Variants in CSNK1G2 observed in about 807,000 individuals in gnomAD.
The protein encoded by CSNK1G2 is casein kinase 1 gamma 2.
CSNK1G2 carries 11 observed loss-of-function variants against 48.0 expected under a neutral mutation model. The ratio of observed to expected loss-of-function variants is 0.23; its 90% CI spans 0.14 to 0.38. CSNK1G2 has a LOEUF of 0.38. CSNK1G2 is among the 10% of genes least tolerant of loss of function. CSNK1G2 has a pLI of 1.00. For synonymous variants in CSNK1G2, 337 were observed against 254.1 expected (o/e 1.33, Z -3.10); for missense variants, 446 against 595.5 (o/e 0.75, Z 2.61).
At position 1,980,449 on chromosome 19, in the gene CSNK1G2, A is replaced by T. The variant is rs572755665; in HGVS notation, c.*246A>T. 1.8e-6 allele frequency: 1 copy of T among 567,340 alleles called. No individual in the cohort carries two copies. Among genetic ancestry groups the T allele is most frequent in the East Asian group, 3.1e-5 (1 of 32,690 alleles). 35.1% of individuals were successfully genotyped at this position (567,340 alleles called of 1,614,324 possible). A position where few individuals can be genotyped will look rare whatever the true frequency, so the allele number is the denominator to read the frequency against. On this transcript the variant is annotated 3_prime_UTR_variant, in exon 12 of 12. Coordinates refer to ENST00000255641, the MANE Select transcript of CSNK1G2 (RefSeq NM_001319.7). ...TCTAGTCCTCCCCTCCAAGAGCATT[A>T]ACTATTTAAAACAAGGAAAAGAGGA...
intron 1 of CSNK1G2, among the ~76,000 whole-genome samples, chr19:1,950,182 C>T (rs191165077): frequency 1.5e-4 from 23 of 152,210 alleles, no homozygotes; most frequent in African/African-American, 5.1e-4. Flanking sequence ...CTCTGTCCCC[C>T]AGGCTGGAGT....
In CSNK1G2 at chr19:1,980,924, C is replaced by G. The variant is rs1008887965; in HGVS notation, c.*721C>G. ...GCGGGTGCTTCTCGACGCACTTGCT[C>G]CCGGAGGCTGCGCCCCGGCGCCTGG... is the stretch of plus-strand genomic sequence containing the variant. On this transcript the variant is annotated 3_prime_UTR_variant, in exon 12 of 12. Coordinates refer to ENST00000255641, the MANE Select transcript of CSNK1G2 (RefSeq NM_001319.7). 6 of 152,348 alleles carry G rather than the reference C, an allele frequency of 3.9e-5. No individual in the cohort carries two copies. The highest frequency in any genetic ancestry group is 1.4e-4 in the African/African-American group (6 of 41,464). The allele number at this position is 152,348 out of a possible 1,614,324, so 9.4% of individuals were successfully genotyped here.
Position 1,970,540 on chromosome 19 carries a change from C to G in CSNK1G2, c.187+581C>G, listed in dbSNP as rs139402704. ...CAGGCGTGAGGAGCAGGGCCGAGGA[C>G]TGAGCCTCTCATTGGCCAGGGGTGC... On this transcript the variant is annotated intron_variant, in intron 2 of 11. Coordinates refer to ENST00000255641, the MANE Select transcript of CSNK1G2 (RefSeq NM_001319.7). Among the ~76,000 whole-genome samples the G allele has an allele frequency of 1.7e-3, 253 of 152,338 alleles. 1 individual carries two copies. The highest frequency in any genetic ancestry group is 5.8e-3 in the African/African-American group (240 of 41,570).
chr19:1,958,374 A>G (rs2015070200), intron 1 of CSNK1G2, among the ~76,000 whole-genome samples: 2 of 151,706 alleles, frequency 1.3e-5, no homozygotes, highest in Non-Finnish European at 2.9e-5. Flanking sequence ...GGGTTGGTGC[A>G]CCAGGGCAGG....
Position 1,978,515 on chromosome 19 carries a change from C to G in CSNK1G2, c.298+4C>G. The G allele has an allele frequency of 6.3e-7, 1 of 1,577,400 alleles. No homozygotes were observed. The highest frequency in any genetic ancestry group is 1.1e-5 in the South Asian group (1 of 87,260). ...TACAAGCAGCTCAGCGCCACAGGTA[C>G]CGGGCGGCCCGCGGGTGGGGCGGGG... On this transcript the variant is annotated splice_donor_region_variant and intron_variant, in intron 4 of 11. Transcript: ENST00000255641. The surrounding 1 kb of genome is among the most constrained non-coding windows in gnomAD (Gnocchi z 7.3).
rs746657543 is a variant in CSNK1G2 at position 1,979,605 on chromosome 19, G to A, written c.964G>A (p.Val322Met). The change falls in exon 9 of 12, where the codon GTG becomes ATG. Residue 322 changes from valine to methionine, a missense_variant. Val to Met is a conservative substitution (Grantham distance 21). Transcript: ENST00000255641. Reference protein sequence around the residue: ...FTDLFDRSGFVFDYEYDWAGK... With the variant: ...FTDLFDRSGFMFDYEYDWAGK... ...CGACCTCTTCGACCGCAGTGGCTTCGTGTTCGACTATGAGTACGACTGGGC... is the reference window on the plus strand; with the variant it reads ...CGACCTCTTCGACCGCAGTGGCTTCATGTTCGACTATGAGTACGACTGGGC... 5 of 1,606,398 alleles carry A rather than the reference G, an allele frequency of 3.1e-6. No individual in the cohort carries two copies. Among genetic ancestry groups the A allele is most frequent in the Non-Finnish European group, 4.2e-6 (5 of 1,179,910 alleles).
Position 1,979,739 on chromosome 19 carries a change from C to T in CSNK1G2, c.1003-13C>T, listed in dbSNP as rs1000628849. ...GCTGCAGCCCATCCTGACCCCTGCT[C>T]CCTCACCCACAGCCGACCCCCATCG... On this transcript the variant is annotated splice_polypyrimidine_tract_variant and intron_variant, in intron 9 of 11. Transcript: ENST00000255641. The T allele has an allele frequency of 1.2e-6, 2 of 1,604,964 alleles. No homozygotes were observed. Among genetic ancestry groups the T allele is most frequent in the African/African-American group, 2.7e-5 (2 of 74,836 alleles).
chr19:1,964,732 T>C (rs1000188421), intron 1 of CSNK1G2, among the ~76,000 whole-genome samples: 2 of 116,790 alleles, frequency 1.7e-5, no homozygotes, highest in South Asian at 3.2e-4. Context: ...TTTGTTTTTT[T>C]GTTTTTTTTT....
intron 1 of CSNK1G2, chr19:1,953,008 C>T (rs1026609332): frequency 2.4e-6 from 1 of 414,698 alleles, no homozygotes; most frequent in South Asian, 1.8e-5. Context: ...GAGCGAGACT[C>T]CGTCTGAAAA....
rs2015030849 is a variant in CSNK1G2 at position 1,957,284 on chromosome 19, C to T, written c.-265-12224C>T. 3.9e-5 allele frequency among the ~76,000 whole-genome samples: 6 copies of T among 152,228 alleles called. 1 individual carries two copies. The South Asian group carries it at 1.2e-3, about 32-fold the overall frequency. ...GCCCTGTGCCCAGGAGGGTGCCTTG[C>T]CCAGCCTGGAGGCCCGCAAGGATGA... On this transcript the variant is annotated intron_variant, in intron 1 of 11. Transcript: ENST00000255641. The surrounding 1 kb of genome is among the most constrained non-coding windows in gnomAD (Gnocchi z 5.4).
intron 1 of CSNK1G2, among the ~76,000 whole-genome samples, chr19:1,965,874 T>G (rs1204292411): frequency 6.6e-6 from 1 of 151,846 alleles, no homozygotes; most frequent in African/African-American, 2.4e-5. Flanking sequence ...ACAGCTCACT[T>G]TAGCCTCCAC....
chr19:1,964,176 C>T (rs985680487), intron 1 of CSNK1G2, among the ~76,000 whole-genome samples: 7 of 151,872 alleles, frequency 4.6e-5, no homozygotes, highest in African/African-American at 9.7e-5. Context: ...GCCTGTAGTT[C>T]CAGCTACTCT....
intron 1 of CSNK1G2, chr19:1,942,447 A>T (rs2014402636): frequency 6.6e-6 from 1 of 152,338 alleles, no homozygotes; most frequent in Non-Finnish European, 1.5e-5. Flanking sequence ...GGTGGAGTCC[A>T]GCATCTTCTC....
rs78864193 is a variant in CSNK1G2 at position 1,979,574 on chromosome 19, C to T, written c.933C>T (p.Leu311=). 3 of 1,608,636 alleles carry T rather than the reference C, an allele frequency of 1.9e-6. No homozygotes were observed. The highest frequency in any genetic ancestry group is 8.5e-7 in the Non-Finnish European group (1 of 1,179,884). The change falls in exon 9 of 12, where the codon CTC becomes CTT. Residue 311 remains leucine, a synonymous_variant. Coordinates refer to ENST00000255641, the MANE Select transcript of CSNK1G2 (RefSeq NM_001319.7). The part of the protein sequence containing the change: ...EKPDYDYLRK[L]FTDLFDRSGF... ...CCGACTATGACTACCTGCGGAAGCT[C>T]TTCACCGACCTCTTCGACCGCAGTG... is the stretch of plus-strand genomic sequence containing the variant.
rs1455854156 is a variant in CSNK1G2 at position 1,979,242 on chromosome 19, G to A, written c.762G>A (p.Gly254=). Residue 254 remains glycine (G), a synonymous_variant, in exon 7 of 12, where the codon GGG becomes GGA. Coordinates refer to ENST00000255641, the MANE Select transcript of CSNK1G2 (RefSeq NM_001319.7). The part of the protein sequence containing the change: ...YFLRGSLPWQ[G]LKADTLKERY... ...TGCGCGGCAGCCTCCCCTGGCAGGG[G>A]CTCAAGGTGGGCGAGGAGGCCGGGC... 1.3e-6 allele frequency: 2 copies of A among 1,558,296 alleles called. No individual in the cohort carries two copies. Among genetic ancestry groups the A allele is most frequent in the Admixed American group, 1.9e-5 (1 of 51,538 alleles).
intron 1 of CSNK1G2, among the ~76,000 whole-genome samples, chr19:1,948,021 A>G (rs570150979): frequency 7.2e-5 from 11 of 152,202 alleles, no homozygotes; most frequent in Admixed American, 3.3e-4. Flanking sequence ...GGTTCCTCTG[A>G]AAGCTTCGTG....
In CSNK1G2 at chr19:1,980,454, T is replaced by C. The variant is rs2015947396; in HGVS notation, c.*251T>C. The C allele has an allele frequency of 1.8e-6, 1 of 555,680 alleles. No individual in the cohort carries two copies. The highest frequency in any genetic ancestry group is 2.1e-5 in the South Asian group (1 of 48,164). The allele number at this position is 555,680 out of a possible 1,614,324, so 34.4% of individuals were successfully genotyped here. A position where few individuals can be genotyped will look rare whatever the true frequency, so the allele number is the denominator to read the frequency against. On this transcript the variant is annotated 3_prime_UTR_variant, in exon 12 of 12. Transcript: ENST00000255641. ...TCCTCCCCTCCAAGAGCATTAACTA[T>C]TTAAAACAAGGAAAAGAGGAAAAAA...
At chr19:1,953,446 C>A (rs1279416140) in intron 1 of CSNK1G2, 1 of 534,566 alleles carries the variant, frequency 1.9e-6, no homozygotes, top group Admixed American at 1.9e-5. Flanking sequence ...GTCCACTTTG[C>A]TTTTGTTGAT....
At chr19:1,944,096 G>A (rs2014465516) in intron 1 of CSNK1G2, among the ~76,000 whole-genome samples, 1 of 152,068 alleles carries the variant, frequency 6.6e-6, no homozygotes, top group Non-Finnish European at 1.5e-5. Flanking sequence ...GGCAGCTGTG[G>A]GCTTCGTCCT....
Sources: gnomAD v4.1 joint callset for allele counts (sites outside exome capture counted in the v4.1 genomes callset) on GRCh38, gnomAD v4.1.1 for gene constraint, Gnocchi (gnomAD v3.1) non-coding constraint, MANE v1.5 for transcripts, NCBI Gene and HGNC (gene_info 2026-07-23, HGNC 2026-07-21) for gene names.